The following LHFPL4 variants were observed in gnomAD, a reference collection of about 807,000 sequenced individuals.
LHFPL4 encodes the protein LHFPL tetraspan subfamily member 4 protein.
A neutral mutation model predicts 20.0 loss-of-function variants in LHFPL4; 6 were observed. The observed-to-expected ratio is 0.30, with a 90% CI of 0.16 to 0.59. LHFPL4 has a LOEUF of 0.59. LHFPL4 is among the 20% of genes least tolerant of loss of function. LHFPL4 has a pLI of 0.88. For synonymous variants in LHFPL4, 129 were observed against 143.8 expected (o/e 0.90, Z 0.74); for missense variants, 215 against 331.2 (o/e 0.65, Z 2.72).
chr3:9,539,503 C>T (rs1170462655), intron 2 of LHFPL4, among the ~76,000 whole-genome samples: 1 of 151,218 alleles, frequency 6.6e-6, no homozygotes, highest in Non-Finnish European at 1.5e-5. Flanking sequence ...CTCCTGATAC[C>T]TCCAATCCAT....
intron 2 of LHFPL4, among the ~76,000 whole-genome samples, chr3:9,526,035 A>G (rs1208260296): frequency 6.6e-6 from 1 of 152,238 alleles, no homozygotes; most frequent in African/African-American, 2.4e-5. Context: ...AATGAAATAT[A>G]TTGAACCTTA....
At chr3:9,508,823 C>T (rs942739743) in intron 2 of LHFPL4, among the ~76,000 whole-genome samples, 8 of 152,178 alleles carry the variant, frequency 5.3e-5, no homozygotes, top group African/African-American at 1.9e-4. Context: ...CCCTCGGAGT[C>T]CCCAGAGCCC....
chr3:9,508,453 G>A (rs1370538858), intron 2 of LHFPL4, among the ~76,000 whole-genome samples: 1 of 152,214 alleles, frequency 6.6e-6, no homozygotes, highest in Non-Finnish European at 1.5e-5. Flanking sequence ...GCAAAGTCCT[G>A]CGGCGGGAAC....
At chr3:9,545,211 A>T (rs1212729996) in intron 2 of LHFPL4, among the ~76,000 whole-genome samples, 1 of 152,086 alleles carries the variant, frequency 6.6e-6, no homozygotes, top group Non-Finnish European at 1.5e-5. Flanking sequence ...ACTAAAAAAG[A>T]GAGAGGAAGG....
chr3:9,541,987 T>C (rs2046479671), intron 2 of LHFPL4, among the ~76,000 whole-genome samples: 1 of 152,056 alleles, frequency 6.6e-6, no homozygotes, highest in Non-Finnish European at 1.5e-5. Flanking sequence ...TGTGTCTACC[T>C]AGAAACTTGT....
chr3:9,515,933 T>C (rs1463320025), intron 2 of LHFPL4, among the ~76,000 whole-genome samples: 2 of 152,110 alleles, frequency 1.3e-5, no homozygotes, highest in African/African-American at 4.8e-5. Flanking sequence ...CAGGCTACTC[T>C]CAAACTCCTG....
chr3:9,541,407 A>C (rs1301263504), intron 2 of LHFPL4, among the ~76,000 whole-genome samples: 1 of 152,228 alleles, frequency 6.6e-6, no homozygotes. Flanking sequence ...TGGTGCTGGG[A>C]AACTGAATAG....
chr3:9,535,964 G>T (rs972626455), intron 2 of LHFPL4, among the ~76,000 whole-genome samples: 10 of 152,106 alleles, frequency 6.6e-5, no homozygotes, highest in Admixed American at 1.3e-4. Context: ...ACCACGCTCA[G>T]CTAATTTTTG....
At chr3:9,535,313 A>T (rs570488847) in intron 2 of LHFPL4, among the ~76,000 whole-genome samples, 1 of 152,314 alleles carries the variant, frequency 6.6e-6, no homozygotes, top group East Asian at 1.9e-4. Flanking sequence ...TCTATGGAAT[A>T]GATACTGTTA....
At chr3:9,503,925 C>T (rs1381971036) in intron 3 of LHFPL4, among the ~76,000 whole-genome samples, 1 of 152,142 alleles carries the variant, frequency 6.6e-6, no homozygotes, top group Non-Finnish European at 1.5e-5. Context: ...ACTCAGGAGG[C>T]TGAGGCAGGA....
At chr3:9,533,521 G>A (rs182184586) in intron 2 of LHFPL4, among the ~76,000 whole-genome samples, 203 of 152,322 alleles carry the variant, frequency 1.3e-3, no homozygotes, top group African/African-American at 4.6e-3. Context: ...GGTGGCTCAC[G>A]CCTGTAATCC....
In LHFPL4 at chr3:9,500,964, C is replaced by T. The variant is rs912231125; in HGVS notation, c.*1247G>A. 11 of 152,910 alleles carry T rather than the reference C, an allele frequency of 7.2e-5. No individual in the cohort carries two copies. Among genetic ancestry groups the T allele is most frequent in the African/African-American group, 1.7e-4 (7 of 41,454 alleles). The allele number at this position is 152,910 out of a possible 1,614,324, so 9.5% of individuals were successfully genotyped here. ...CAACACACACACACACACACACGCTCACACGCGCACACACACGCACACACA... is the reference window on the plus strand; with the variant it reads ...CAACACACACACACACACACACGCTTACACGCGCACACACACGCACACACA... On this transcript the variant is annotated 3_prime_UTR_variant, in exon 4 of 4. Transcript: ENST00000287585.
intron 2 of LHFPL4, among the ~76,000 whole-genome samples, chr3:9,523,990 C>CT (rs112931913): frequency 8.7e-5 from 12 of 137,570 alleles, no homozygotes; most frequent in Non-Finnish European, 1.7e-4. Context: ...ATTTCCCCCC[C>CT]CCCCAACACT....
chr3:9,528,588 C>T (rs1320177160), intron 2 of LHFPL4, among the ~76,000 whole-genome samples: 1 of 152,168 alleles, frequency 6.6e-6, no homozygotes, highest in Non-Finnish European at 1.5e-5. Context: ...TTTTGACCTT[C>T]TCTCATGAAT....
At chr3:9,505,770 GCTACT>G (rs1393184654) in intron 3 of LHFPL4, among the ~76,000 whole-genome samples, 192 bp downstream of exon 3, 1 of 151,476 alleles carries the variant, frequency 6.6e-6, no homozygotes, top group Admixed American at 6.6e-5. Flanking sequence ...TGTTGACCAG[GCTACT>G]CTTGAACTCC....
At chr3:9,523,336 G>A (rs1045927549) in intron 2 of LHFPL4, among the ~76,000 whole-genome samples, 15 of 150,622 alleles carry the variant, frequency 1.0e-4, no homozygotes, top group Admixed American at 4.6e-4. Context: ...AGTGGAGATC[G>A]CGCCACTGGA....
chr3:9,529,628 T>C (rs2046396733), intron 2 of LHFPL4, among the ~76,000 whole-genome samples: 2 of 151,910 alleles, frequency 1.3e-5, no homozygotes, highest in African/African-American at 2.4e-5. Flanking sequence ...AAGGAATCTT[T>C]TATTTTATTT....
intron 2 of LHFPL4, among the ~76,000 whole-genome samples, chr3:9,510,570 C>G (rs1313148953): frequency 6.6e-6 from 1 of 152,022 alleles, no homozygotes; most frequent in Non-Finnish European, 1.5e-5. Flanking sequence ...CTGCTCCAAG[C>G]AGCCAGGAGG....
At chr3:9,502,448 T>A in intron 3 of LHFPL4, 137 bp from the exon 4 acceptor site, 4 of 670,610 alleles carry the variant, frequency 6.0e-6, no homozygotes, top group Non-Finnish European at 1.1e-5. Context: ...ACGCCTGTAA[T>A]CCCAGCACTT....
Sources: allele counts gnomAD v4.1 joint callset (sites outside exome capture counted in the v4.1 genomes callset), GRCh38; gene constraint gnomAD v4.1.1; transcripts MANE v1.5; gene names NCBI Gene and HGNC (gene_info 2026-07-23, HGNC 2026-07-21).